XYLB: variants seen among roughly 807,000 people sequenced by gnomAD.
XYLB encodes xylulokinase, also known as xylulose kinase.
Under a neutral mutation model 78.7 loss-of-function variants are expected in XYLB, and 62 were observed. The ratio of observed to expected loss-of-function variants is 0.79; its 90% CI spans 0.64 to 0.97. The LOEUF is 0.97. XYLB is among the 50% of genes least tolerant of loss of function. The pLI is 0.00. For missense variants in XYLB, 687 were observed against 676.8 expected (o/e 1.02, Z -0.17); for synonymous variants, 245 against 247.4 (o/e 0.99, Z 0.09).
chr3:38,434,119 A>C, the XYLB span, among the ~76,000 whole-genome samples: 1 of 152,174 alleles, frequency 6.6e-6, no homozygotes. Flanking sequence ...GAACTCACTC[A>C]CTATCATGAG....
In XYLB at chr3:38,355,933, T is replaced by C. The variant is rs1052845301; in HGVS notation, c.141-4406T>C. 31 of 612,866 alleles carry C rather than the reference T, an allele frequency of 5.1e-5. No homozygotes were observed. In the South Asian group the frequency reaches 6.1e-4, roughly 12 times the overall value. The allele number at this position is 612,866 out of a possible 1,614,324, so 38.0% of individuals were successfully genotyped here. On this transcript the variant is annotated intron_variant, in intron 2 of 18. Transcript: ENST00000207870. Reference sequence around the variant, plus strand: ...GTGTTTTTCCTTAACTAATATAATTTTTTCCCTCATATCCTTTTTTTAAAG... The same window carrying C: ...GTGTTTTTCCTTAACTAATATAATTCTTTCCCTCATATCCTTTTTTTAAAG...
intron 1 of XYLB, among the ~76,000 whole-genome samples, chr3:38,348,003 A>G (rs1361922697): frequency 6.6e-6 from 1 of 152,226 alleles, no homozygotes; most frequent in Non-Finnish European, 1.5e-5. Flanking sequence ...GGATGACTCG[A>G]GTTGCCTTGC....
At chr3:38,364,039 A>T (rs966385471) in intron 4 of XYLB, among the ~76,000 whole-genome samples, 2 of 152,092 alleles carry the variant, frequency 1.3e-5, no homozygotes, top group African/African-American at 4.8e-5. Flanking sequence ...CCAGGCCTGG[A>T]CACCCATCTC....
At chr3:38,431,527 T>C in the XYLB span, among the ~76,000 whole-genome samples, 1 of 152,332 alleles carries the variant, frequency 6.6e-6, no homozygotes, top group East Asian at 1.9e-4. Flanking sequence ...CTTTTCCTAA[T>C]TGAATACCTT....
rs764139636 is a variant in XYLB at position 38,400,990 on chromosome 3, G to A, written c.1533+5G>A. 1.4e-5 allele frequency: 22 copies of A among 1,613,796 alleles called. No homozygotes were observed. The highest frequency in any genetic ancestry group is 4.4e-5 in the South Asian group (4 of 91,074). Reference sequence around the variant, plus strand: ...CCAAGCCCGGGAGCTTCTCAGGTGAGAGACCATCGGAATTTGTTTGTAGCA... The same window carrying A: ...CCAAGCCCGGGAGCTTCTCAGGTGAAAGACCATCGGAATTTGTTTGTAGCA... On this transcript the variant is annotated splice_donor_5th_base_variant and intron_variant, in intron 18 of 18. Coordinates refer to ENST00000207870, the MANE Select transcript of XYLB (RefSeq NM_005108.4).
chr3:38,448,627 G>C, the XYLB span, among the ~76,000 whole-genome samples: 1 of 152,118 alleles, frequency 6.6e-6, no homozygotes, highest in Non-Finnish European at 1.5e-5. Context: ...TTTTTTTACT[G>C]AGTGTCAGAT....
At chr3:38,388,781 C>A (rs1354646912) in intron 15 of XYLB, among the ~76,000 whole-genome samples, 1 of 152,104 alleles carries the variant, frequency 6.6e-6, no homozygotes, top group African/African-American at 2.4e-5. Flanking sequence ...GAAATATGTA[C>A]TTTATTCTTT....
At chr3:38,422,658 T>C (rs1441149973), downstream of XYLB, among the ~76,000 whole-genome samples, 3 of 152,154 alleles carry the variant, frequency 2.0e-5, no homozygotes, top group South Asian at 6.2e-4. Flanking sequence ...ATTCAGCCAA[T>C]TGTAACTTCT....
At chr3:38,357,675 C>T (rs138760239) in intron 2 of XYLB, among the ~76,000 whole-genome samples, 239 of 152,284 alleles carry the variant, frequency 1.6e-3, no homozygotes, top group African/African-American at 5.6e-3. Context: ...CGTGAGCCAC[C>T]GCATCCTTGC....
chr3:38,426,988 C>T, the XYLB span, among the ~76,000 whole-genome samples: 1 of 152,206 alleles, frequency 6.6e-6, no homozygotes, highest in Non-Finnish European at 1.5e-5. Flanking sequence ...GTTTTTGCTA[C>T]AGATAATCAG....
downstream of XYLB, among the ~76,000 whole-genome samples, chr3:38,425,665 G>T (rs1026376853): frequency 6.6e-6 from 1 of 152,178 alleles, no homozygotes; most frequent in Non-Finnish European, 1.5e-5. Flanking sequence ...TGGGGTAGAG[G>T]TTATGCTTGT....
chr3:38,427,532 TA>T, the XYLB span, among the ~76,000 whole-genome samples: 2 of 152,224 alleles, frequency 1.3e-5, no homozygotes, highest in Non-Finnish European at 2.9e-5. Context: ...TTTCCTATTT[TA>T]TTGATTTCCA....
chr3:38,433,198 A>G, the XYLB span, among the ~76,000 whole-genome samples: 12 of 152,324 alleles, frequency 7.9e-5, no homozygotes, highest in South Asian at 2.5e-3. Context: ...GCCACAGCCC[A>G]AGCTGTACCA....
chr3:38,412,087 T>TGATTCTCC (rs1183980782), intron 18 of XYLB, among the ~76,000 whole-genome samples: 2 of 151,262 alleles, frequency 1.3e-5, no homozygotes, highest in African/African-American at 4.9e-5. Flanking sequence ...GGCTCCCAGG[T>TGATTCTCC]TCAAGTGATT....
At chr3:38,380,275 G>T (rs993073575) in intron 15 of XYLB, among the ~76,000 whole-genome samples, 1 of 152,120 alleles carries the variant, frequency 6.6e-6, no homozygotes, top group Non-Finnish European at 1.5e-5. Context: ...GCAGACCCAG[G>T]GCCGGGGGAG....
intron 2 of XYLB, among the ~76,000 whole-genome samples, chr3:38,348,843 A>T (rs546800861): frequency 1.3e-5 from 2 of 152,290 alleles, no homozygotes; most frequent in East Asian, 3.9e-4. Flanking sequence ...TGAAGTAAGC[A>T]TCAGTTGAGA....
chr3:38,389,090 G>A (rs1707528726), intron 15 of XYLB, among the ~76,000 whole-genome samples: 1 of 147,250 alleles, frequency 6.8e-6, no homozygotes, highest in South Asian at 2.2e-4. Flanking sequence ...AGGACCCTGC[G>A]GCCTTCCGCA....
At chr3:38,369,058 G>A (rs936537744) in intron 8 of XYLB, among the ~76,000 whole-genome samples, 3 of 152,150 alleles carry the variant, frequency 2.0e-5, no homozygotes, top group Admixed American at 6.5e-5. Flanking sequence ...TGGACAGAAT[G>A]GGGGTAGAGA....
chr3:38,359,138 C>G (rs1048795472), intron 2 of XYLB, among the ~76,000 whole-genome samples: 11 of 152,210 alleles, frequency 7.2e-5, no homozygotes, highest in African/African-American at 2.7e-4. Flanking sequence ...AACATTGTTT[C>G]TAAAGATTAT....
Sources: allele counts gnomAD v4.1 joint callset (sites outside exome capture counted in the v4.1 genomes callset), GRCh38; gene constraint gnomAD v4.1.1; transcripts MANE v1.5; gene names NCBI Gene and HGNC (gene_info 2026-07-23, HGNC 2026-07-21).